Variants in COMMD10 observed in about 807,000 individuals in gnomAD.
COMMD10 encodes the protein COMM domain-containing protein 10.
Under a neutral mutation model 28.9 loss-of-function variants are expected in COMMD10, and 33 were observed. That is an observed-to-expected ratio of 1.14 (90% CI 0.87 to 1.53). COMMD10 has a LOEUF of 1.53. Ranked by LOEUF, COMMD10 falls within the 40% of genes most tolerant of loss-of-function variation. COMMD10 has a pLI of 0.00. For synonymous variants in COMMD10, 110 were observed against 81.7 expected (o/e 1.35, Z -1.87); for missense variants, 310 against 233.4 (o/e 1.33, Z -2.14).
At chr5:116,237,752 C>T (rs1164334165) in intron 5 of COMMD10, among the ~76,000 whole-genome samples, 1 of 152,044 alleles carries the variant, frequency 6.6e-6, no homozygotes, top group Non-Finnish European at 1.5e-5. Flanking sequence ...AAATTATGAG[C>T]AAAGCTCATA....
intron 4 of COMMD10, among the ~76,000 whole-genome samples, chr5:116,108,066 C>G (rs914576273): frequency 3.3e-5 from 5 of 152,212 alleles, no homozygotes; most frequent in African/African-American, 9.6e-5. Flanking sequence ...GAGGGGCACC[C>G]ACAAGATGCC....
chr5:116,217,336 G>A (rs937617637), intron 5 of COMMD10, among the ~76,000 whole-genome samples: 1 of 152,106 alleles, frequency 6.6e-6, no homozygotes. Context: ...TTCTTCAATG[G>A]ACTACCGAAA....
intron 5 of COMMD10, among the ~76,000 whole-genome samples, chr5:116,138,632 C>G (rs1269407059): frequency 6.7e-6 from 1 of 149,680 alleles, no homozygotes; most frequent in Non-Finnish European, 1.5e-5. Flanking sequence ...ATTTTTTTTT[C>G]TTTTACAGTA....
intron 5 of COMMD10, among the ~76,000 whole-genome samples, chr5:116,272,463 C>A (rs1227153579): frequency 6.6e-6 from 1 of 151,806 alleles, no homozygotes; most frequent in African/African-American, 2.4e-5. Flanking sequence ...AAAACACTTT[C>A]ATAATAAGCA....
chr5:116,292,604 A>T lies in COMMD10; in HGVS notation c.*115A>T. The stretch of plus-strand genomic sequence containing the variant: ...TTCAGTGACTTGCTTTCTGTAAATT[A>T]TATGGCTTATCACTTCTTAGACAAA... On this transcript the variant is annotated 3_prime_UTR_variant, in exon 7 of 7. Transcript: ENST00000274458. The T allele has an allele frequency of 1.3e-6, 1 of 742,906 alleles. No homozygotes were observed. The highest frequency in any genetic ancestry group is 2.2e-6 in the Non-Finnish European group (1 of 462,194). The allele number at this position is 742,906 out of a possible 1,614,324, so 46.0% of individuals were successfully genotyped here. A position where few individuals can be genotyped will look rare whatever the true frequency, so the allele number is the denominator to read the frequency against.
intron 5 of COMMD10, among the ~76,000 whole-genome samples, chr5:116,284,779 C>G (rs889903884): frequency 2.0e-5 from 3 of 151,812 alleles, no homozygotes; most frequent in African/African-American, 7.3e-5. Context: ...TACTAATGAA[C>G]TATGAGTTGA....
chr5:116,270,937 C>CA (rs1750736803), intron 5 of COMMD10, among the ~76,000 whole-genome samples: 1 of 151,316 alleles, frequency 6.6e-6, no homozygotes, highest in African/African-American at 2.4e-5. Context: ...AACTCTGTCT[C>CA]AAAAAATAAT....
chr5:116,134,173 T>G lies in COMMD10; in HGVS notation c.505T>G (p.Ser169Ala). ...VLQLGVNNED[S>A]KSLEKVLVEF... is the part of the protein sequence containing the mutation. ...ACAACTCGGAGTGAACAATGAAGAT[T>G]CAAAGGTAAGAAATGGTATCCCATT... Residue 169 changes from serine (S) to alanine (A), a missense_variant, in exon 5 of 7, where the codon TCA (serine) becomes GCA (alanine). Physicochemically the swap from Ser to Ala is moderately conservative, Grantham distance 99 (BLOSUM62 1). Coordinates refer to ENST00000274458, the MANE Select transcript of COMMD10 (RefSeq NM_016144.4). 1 of 1,579,648 alleles carries G rather than the reference T, an allele frequency of 6.3e-7. No homozygotes were observed. Among genetic ancestry groups the G allele is most frequent in the Non-Finnish European group, 8.7e-7 (1 of 1,148,388 alleles).
chr5:116,169,364 C>G (rs1168254457), intron 5 of COMMD10, among the ~76,000 whole-genome samples: 2 of 151,960 alleles, frequency 1.3e-5, no homozygotes, highest in African/African-American at 2.4e-5. Flanking sequence ...AATGGGCTAC[C>G]AACCAAAAAA....
At chr5:116,175,023 G>A (rs1408356289) in intron 5 of COMMD10, among the ~76,000 whole-genome samples, 1 of 152,024 alleles carries the variant, frequency 6.6e-6, no homozygotes, top group Non-Finnish European at 1.5e-5. Context: ...GTTTGCTGGG[G>A]AACAGAGCTC....
At chr5:116,172,663 A>T (rs1048303049) in intron 5 of COMMD10, among the ~76,000 whole-genome samples, 1 of 152,134 alleles carries the variant, frequency 6.6e-6, no homozygotes, top group Non-Finnish European at 1.5e-5. Context: ...ATAAAGTCAT[A>T]CTCCAGGGTA....
chr5:116,163,472 C>CCCAGCTA (rs1024198787), intron 5 of COMMD10, among the ~76,000 whole-genome samples: 1 of 148,974 alleles, frequency 6.7e-6, no homozygotes, highest in African/African-American at 2.5e-5. Flanking sequence ...TGCCTGTAAT[C>CCCAGCTA]CCAGCTACTC....
chr5:116,139,618 G>A (rs1002559522), intron 5 of COMMD10, among the ~76,000 whole-genome samples: 4 of 150,460 alleles, frequency 2.7e-5, no homozygotes, highest in Non-Finnish European at 5.9e-5. Flanking sequence ...GAAGTATCAC[G>A]TATCATATCT....
chr5:116,227,765 G>A (rs1390791013), intron 5 of COMMD10, among the ~76,000 whole-genome samples: 1 of 152,060 alleles, frequency 6.6e-6, no homozygotes, highest in Non-Finnish European at 1.5e-5. Flanking sequence ...AGCAAGGAAT[G>A]TTAAAAAGTT....
At chr5:116,102,781 A>G (rs989339336) in intron 4 of COMMD10, among the ~76,000 whole-genome samples, 1 of 152,108 alleles carries the variant, frequency 6.6e-6, no homozygotes. Context: ...CCCGTCATCT[A>G]CATTAGGTAT....
intron 5 of COMMD10, among the ~76,000 whole-genome samples, chr5:116,222,760 C>T (rs932409655): frequency 2.1e-4 from 32 of 152,234 alleles, no homozygotes; most frequent in Middle Eastern, 3.4e-3. Context: ...GGTGCCATCT[C>T]GGCTCACTGC....
Position 116,196,155 on chromosome 5 carries a change from A to G in COMMD10, c.510+61977A>G, listed in dbSNP as rs527751648. ...CAAACACGCATGTTTATAACAGCAC[A>G]ATTCACAAATACAAAGTCATGGAAC... On this transcript the variant is annotated intron_variant, in intron 5 of 6. Coordinates refer to ENST00000274458, the MANE Select transcript of COMMD10 (RefSeq NM_016144.4). Among the ~76,000 whole-genome samples the G allele has an allele frequency of 6.6e-5, 10 of 152,358 alleles. No individual in the cohort carries two copies. The South Asian group carries it at 1.9e-3, about 28-fold the overall frequency.
At chr5:116,156,237 G>A (rs191126248) in intron 5 of COMMD10, among the ~76,000 whole-genome samples, 1 of 152,110 alleles carries the variant, frequency 6.6e-6, no homozygotes, top group Non-Finnish European at 1.5e-5. Context: ...CTGGTATGTA[G>A]TAAAAACAGT....
intron 5 of COMMD10, among the ~76,000 whole-genome samples, chr5:116,135,976 G>A (rs1486794867): frequency 6.6e-6 from 1 of 152,140 alleles, no homozygotes; most frequent in Non-Finnish European, 1.5e-5. Context: ...TAAATACCTA[G>A]TATATGTAAA....
Sources: allele counts gnomAD v4.1 joint callset (sites outside exome capture counted in the v4.1 genomes callset), GRCh38; gene constraint gnomAD v4.1.1; transcripts MANE v1.5; gene names NCBI Gene and HGNC (gene_info 2026-07-23, HGNC 2026-07-21).